Variants in TMEM62 observed in about 807,000 individuals in gnomAD.
The protein encoded by TMEM62 is transmembrane protein 62.
A neutral mutation model predicts 70.4 loss-of-function variants in TMEM62; 41 were observed. The ratio of observed to expected loss-of-function variants is 0.58; its 90% confidence interval spans 0.45 to 0.76. The LOEUF is 0.76. Ranked by LOEUF, TMEM62 falls within the 30% of genes least tolerant of loss-of-function variation. TMEM62 has a pLI of 0.00. For synonymous variants in TMEM62, 268 were observed against 291.0 expected (o/e 0.92, Z 0.80); for missense variants, 688 against 788.5 (o/e 0.87, Z 1.53).
In TMEM62 at chr15:43,133,940, T is replaced by C. The variant is rs777582700; in HGVS notation, c.138T>C (p.Pro46=). ...PRPAPPRRPH[P]APGPGDSNIF... is the part of the protein sequence containing the mutation. ...CCGCGCCCCCCAGGAGGCCGCACCC[T>C]GCGCCAGGGCCCGGAGACAGCAACA... Residue 46 remains proline (P), a synonymous_variant, in exon 1 of 14, where the codon CCT becomes CCC. Transcript: ENST00000260403. 3.4e-6 allele frequency: 5 copies of C among 1,474,278 alleles called. No homozygotes were observed. In the South Asian group the frequency reaches 5.3e-5, roughly 16 times the overall value. 91.3% of individuals were successfully genotyped at this position (1,474,278 alleles called of 1,614,324 possible). A position where few individuals can be genotyped will look rare whatever the true frequency, so the allele number is the denominator to read the frequency against.
chr15:43,171,634 TTG>T (rs1306587400), intron 11 of TMEM62, among the ~76,000 whole-genome samples: 2 of 143,010 alleles, frequency 1.4e-5, no homozygotes, highest in African/African-American at 5.1e-5. Context: ...TTTTTTTTTT[TTG>T]TGTGTGTGTG....
chr15:43,139,038 A>G (rs188865734), intron 4 of TMEM62, among the ~76,000 whole-genome samples: 1 of 152,148 alleles, frequency 6.6e-6, no homozygotes, highest in Admixed American at 6.5e-5. Flanking sequence ...CATTTTTTCA[A>G]ATTGAGAGTT....
In TMEM62 at chr15:43,183,657, T is replaced by G. The variant is rs544364363; in HGVS notation, c.1606-603T>G. On this transcript the variant is annotated intron_variant, in intron 13 of 13. Transcript: ENST00000260403. ...AATTATATTTTTTGGTTTTTTTTTT[T>G]GTCTGTCTTCTCCCTGTTAGAATGT... 2.4e-4 allele frequency among the ~76,000 whole-genome samples: 36 copies of G among 152,252 alleles called. No homozygotes were observed. In the East Asian group the frequency reaches 6.7e-3, roughly 29 times the overall value.
At position 43,184,426 on chromosome 15, in the gene TMEM62, ACTTT is replaced by A. The variant is rs1356382876; in HGVS notation, c.1777_1780del (p.Leu593MetfsTer7). Reference sequence around the variant, plus strand: ...TACATCTGGCAGGTTTATTCCTGCTACTTTCTTTATGCAACATACGGCACCCTAG... The same window carrying A: ...TACATCTGGCAGGTTTATTCCTGCTACTTTATGCAACATACGGCACCCTAG... On this transcript the variant is annotated frameshift_variant, in exon 14 of 14. Transcript: ENST00000260403. LOFTEE classifies it high-confidence loss of function. 9.3e-6 allele frequency: 15 copies of A among 1,614,182 alleles called. No homozygotes were observed. The highest frequency in any genetic ancestry group is 1.3e-5 in the Non-Finnish European group (15 of 1,180,032).
chr15:43,148,384 C>T (rs2036934508), intron 5 of TMEM62, among the ~76,000 whole-genome samples: 1 of 152,110 alleles, frequency 6.6e-6, no homozygotes, highest in Non-Finnish European at 1.5e-5. Context: ...CTGTTATAAA[C>T]ATTTAGGTAG....
At chr15:43,133,455 G>T (rs991450289), upstream of TMEM62, 2 of 229,256 alleles carry the variant, frequency 8.7e-6, no homozygotes, top group Admixed American at 5.8e-5. Context: ...GCGGAGCCAG[G>T]ACTCTAGCCC....
chr15:43,151,319 GAAAA>G (rs896405823), intron 7 of TMEM62, among the ~76,000 whole-genome samples: 2 of 53,412 alleles, frequency 3.7e-5, no homozygotes, highest in African/African-American at 5.7e-5. Context: ...TCAAAAATAA[GAAAA>G]AAAAAAAAAA....
chr15:43,142,094 C>G (rs2036091972), intron 4 of TMEM62, among the ~76,000 whole-genome samples: 1 of 151,432 alleles, frequency 6.6e-6, no homozygotes, highest in African/African-American at 2.4e-5. Context: ...AAAGCAATAA[C>G]AGTGTTGGAG....
intron 10 of TMEM62, among the ~76,000 whole-genome samples, chr15:43,161,654 CTTGT>C (rs1019680722): frequency 5.3e-5 from 8 of 151,690 alleles, no homozygotes; most frequent in Non-Finnish European, 1.0e-4. Flanking sequence ...TGTTTGTTTG[CTTGT>C]TTGTTTTTTG....
At chr15:43,167,959 C>CA (rs1355742295) in intron 10 of TMEM62, among the ~76,000 whole-genome samples, 1 of 151,962 alleles carries the variant, frequency 6.6e-6, no homozygotes, top group East Asian at 1.9e-4. Context: ...CCGTCTCCAC[C>CA]AAAAAAATAC....
intron 10 of TMEM62, among the ~76,000 whole-genome samples, chr15:43,167,328 G>C (rs1338354419): frequency 6.6e-6 from 1 of 152,042 alleles, no homozygotes; most frequent in South Asian, 2.1e-4. Flanking sequence ...CTTCCCAGAC[G>C]GGGTGGCTGC....
intron 7 of TMEM62, among the ~76,000 whole-genome samples, chr15:43,149,403 T>C (rs1253867892): frequency 1.3e-5 from 2 of 152,164 alleles, no homozygotes; most frequent in South Asian, 2.1e-4. Context: ...CAAACTCTAG[T>C]GTGCACAAGA....
chr15:43,184,540 A>C lies in TMEM62; in HGVS notation c.1886A>C (p.Lys629Thr), dbSNP rs1278142014. 1.9e-6 allele frequency: 3 copies of C among 1,612,602 alleles called. No individual in the cohort carries two copies. Among genetic ancestry groups the C allele is most frequent in the Admixed American group, 1.7e-5 (1 of 60,000 alleles). Residue 629 changes from lysine (K) to threonine (T), a missense_variant, in exon 14 of 14, where the codon AAG becomes ACG. Lys to Thr is a moderately conservative substitution (Grantham distance 78). Transcript: ENST00000260403. The stretch of plus-strand genomic sequence containing the variant: ...TATGTGTGGACACTGAACTCCACCA[A>C]GTTTGGAATCTTCATGGTGCAGTTA... Reference protein sequence around the residue: ...IRYVWTLNSTKFGIFMVQLKS... With the variant: ...IRYVWTLNSTTFGIFMVQLKS...
chr15:43,146,758 G>A, intron 5 of TMEM62, 124 bp downstream of exon 5: 6 of 909,580 alleles, frequency 6.6e-6, no homozygotes, highest in South Asian at 3.9e-5. Context: ...AATTTAACTT[G>A]GTTACAGGTA....
rs1365260972 is a variant in TMEM62 at position 43,178,642 on chromosome 15, C to T, written c.1417C>T (p.Leu473Phe). ...SGFINLTSFS[L>F]HVLSKINIFY... ...GTTTATAAATCTGACCTCATTTTCT[C>T]TTCATGTCTTGAGCAAAATAAACAT... is the stretch of plus-strand genomic sequence containing the variant. The change falls in exon 12 of 14, where the codon CTT becomes TTT. Residue 473 changes from leucine to phenylalanine, a missense_variant. By Grantham distance (22) the Leu-to-Phe change is conservative (BLOSUM62 0). Transcript: ENST00000260403. The T allele has an allele frequency of 6.2e-7, 1 of 1,612,974 alleles. No homozygotes were observed. The highest frequency in any genetic ancestry group is 2.2e-5 in the East Asian group (1 of 44,760).
chr15:43,166,709 G>A (rs1481071574), intron 10 of TMEM62, among the ~76,000 whole-genome samples: 1 of 152,246 alleles, frequency 6.6e-6, no homozygotes, highest in African/African-American at 2.4e-5. Flanking sequence ...GCGGCCTTCC[G>A]CAGTTTTTGT....
intron 3 of TMEM62, 35 bp from the exon 4 acceptor site, chr15:43,138,539 G>A (rs746044141): frequency 1.4e-6 from 2 of 1,478,004 alleles, no homozygotes; most frequent in Admixed American, 2.0e-5. Context: ...TTTTAATGTG[G>A]ATGAATGTTT....
rs532852770 is a variant in TMEM62 at position 43,179,028 on chromosome 15, A to T, written c.1486+317A>T. ...TTAAAGTTTTAGTCTATATCTCATC[A>T]CAGGTTTTACTTCCATCATTACCTT... On this transcript the variant is annotated intron_variant, in intron 12 of 13. Coordinates refer to ENST00000260403, the MANE Select transcript of TMEM62 (RefSeq NM_024956.4). Among the ~76,000 whole-genome samples, 30 of 152,292 alleles carry T rather than the reference A, an allele frequency of 2.0e-4. No homozygotes were observed. In the South Asian group the frequency reaches 6.2e-3, roughly 32 times the overall value.
chr15:43,149,649 T>C (rs1459933571), intron 7 of TMEM62, among the ~76,000 whole-genome samples: 6 of 152,148 alleles, frequency 3.9e-5, no homozygotes, highest in African/African-American at 1.2e-4. Context: ...CTTGAACTCT[T>C]GACCTCAGGT....
Sources: gnomAD v4.1 joint callset for allele counts (sites outside exome capture counted in the v4.1 genomes callset) on GRCh38, gnomAD v4.1.1 for gene constraint, MANE v1.5 for transcripts, NCBI Gene and HGNC (gene_info 2026-07-23, HGNC 2026-07-21) for gene names.